ZFYVE28: variants seen among roughly 807,000 people sequenced by gnomAD.
The protein encoded by ZFYVE28 is lateral signaling target protein 2 homolog.
ZFYVE28 carries 40 observed loss-of-function variants against 82.1 expected under a neutral mutation model. The observed-to-expected ratio is 0.49, with a 90% CI of 0.38 to 0.63. The LOEUF (loss-of-function observed/expected upper bound fraction) is 0.63. ZFYVE28 is among the 30% of genes least tolerant of loss of function. The probability of loss-of-function intolerance (pLI) is 0.00; values close to 1 mark genes in which losing one functional copy is unlikely to be tolerated. For missense variants in ZFYVE28, 1,321 were observed against 1,242.1 expected, an observed-to-expected ratio of 1.06 and a Z score of -0.96; for synonymous variants, 612 against 546.1, an observed-to-expected ratio of 1.12 and a Z score of -1.68.
chr4:2,364,488 A>G (rs1726593098), intron 1 of ZFYVE28: 5 of 985,502 alleles, frequency 5.1e-6, no homozygotes, highest in Non-Finnish European at 6.0e-6. Context: ...TACTTTACCC[A>G]GAGGGTGGCT....
intron 1 of ZFYVE28, among the ~76,000 whole-genome samples, chr4:2,357,935 C>A (rs1725578970): frequency 6.6e-6 from 1 of 152,180 alleles, no homozygotes; most frequent in Non-Finnish European, 1.5e-5. Context: ...CCCCTCGCTG[C>A]TTGGTAAGCG....
Position 2,404,309 on chromosome 4 carries a change from C to CAA in ZFYVE28, c.39+13974_39+13975dup, listed in dbSNP as rs55924862. The stretch of plus-strand genomic sequence containing the variant: ...TGCAGGACGGAGCGAGACTCCGCCT[C>CAA]AAAAAAAAAAAAAAAAAAACGCTGA... On this transcript the variant is annotated intron_variant, in intron 1 of 12. Coordinates refer to ENST00000290974, the MANE Select transcript of ZFYVE28 (RefSeq NM_020972.3). 1.2e-4 allele frequency among the ~76,000 whole-genome samples: 8 copies of CAA among 66,522 alleles called. 1 individual carries two copies. The highest frequency in any genetic ancestry group is 3.6e-4 in the African/African-American group (6 of 16,582). The allele number at this position is 66,522 out of a possible 152,430, so 43.6% of individuals were successfully genotyped here.
chr4:2,370,725 C>T (rs748464732), intron 1 of ZFYVE28, among the ~76,000 whole-genome samples: 2 of 152,196 alleles, frequency 1.3e-5, no homozygotes, highest in Non-Finnish European at 2.9e-5. Flanking sequence ...GCTCCCCGGA[C>T]GTGGCAAGGC....
chr4:2,369,823 G>GAA (rs1318676392), intron 1 of ZFYVE28, among the ~76,000 whole-genome samples: 1 of 91,678 alleles, frequency 1.1e-5, no homozygotes, highest in African/African-American at 3.8e-5. Context: ...CCAGAACTTT[G>GAA]AAAGAAGGGA....
chr4:2,304,259 A>C (rs763987790), intron 8 of ZFYVE28, 30 bp downstream of exon 8: 1 of 1,530,342 alleles, frequency 6.5e-7, no homozygotes, highest in Admixed American at 2.1e-5. Context: ...GAGAGGACAA[A>C]CCCAGTCTCT....
At chr4:2,382,785 C>T (rs1262401626) in intron 1 of ZFYVE28, among the ~76,000 whole-genome samples, 1 of 152,102 alleles carries the variant, frequency 6.6e-6, no homozygotes, top group East Asian at 1.9e-4. Context: ...TAAAGACACG[C>T]TGGAGACTGG....
chr4:2,311,257 G>A (rs771437318), intron 7 of ZFYVE28, among the ~76,000 whole-genome samples: 1 of 152,060 alleles, frequency 6.6e-6, no homozygotes, highest in Admixed American at 6.6e-5. Flanking sequence ...CTGGCATGAT[G>A]GCTCACGCTT....
intron 8 of ZFYVE28, among the ~76,000 whole-genome samples, chr4:2,301,282 C>CA (rs1193021103): frequency 6.6e-6 from 1 of 152,208 alleles, no homozygotes; most frequent in Non-Finnish European, 1.5e-5. Flanking sequence ...CCACGGTGCA[C>CA]ACCGCCTGTG....
chr4:2,289,077 G>GT (rs1390026515), intron 8 of ZFYVE28, among the ~76,000 whole-genome samples: 3 of 152,248 alleles, frequency 2.0e-5, no homozygotes, highest in Admixed American at 2.0e-4. Flanking sequence ...GAGGCCAAGA[G>GT]TTCGAGACCA....
intron 8 of ZFYVE28, among the ~76,000 whole-genome samples, chr4:2,290,137 C>T (rs1713387398): frequency 6.6e-6 from 1 of 152,150 alleles, no homozygotes; most frequent in Non-Finnish European, 1.5e-5. Flanking sequence ...AGCCTGTGCC[C>T]CAGGGGACTC....
At chr4:2,378,346 A>G (rs1728380409) in intron 1 of ZFYVE28, among the ~76,000 whole-genome samples, 1 of 152,230 alleles carries the variant, frequency 6.6e-6, no homozygotes, top group Non-Finnish European at 1.5e-5. Flanking sequence ...GTCTCAAAAA[A>G]ATAAAAAAAT....
chr4:2,278,050 G>A (rs1399894581), intron 8 of ZFYVE28, among the ~76,000 whole-genome samples: 4 of 152,062 alleles, frequency 2.6e-5, no homozygotes, highest in Non-Finnish European at 5.9e-5. Flanking sequence ...TCTCAGCAAG[G>A]GTGCCAAGAC....
chr4:2,380,356 G>C (rs941111963), intron 1 of ZFYVE28, among the ~76,000 whole-genome samples: 1 of 152,186 alleles, frequency 6.6e-6, no homozygotes, highest in Admixed American at 6.5e-5. Flanking sequence ...TAGCAGGAGC[G>C]GGGAGAGCAA....
intron 8 of ZFYVE28, among the ~76,000 whole-genome samples, chr4:2,274,532 G>A (rs558681370): frequency 3.9e-5 from 6 of 152,142 alleles, no homozygotes; most frequent in East Asian, 1.9e-4. Context: ...AATATCGACC[G>A]ACTGCCCCTA....
chr4:2,274,256 T>TGATAAGGGGCCGTG (rs748224112), intron 8 of ZFYVE28, 40 bp from the exon 9 acceptor site: 1 of 1,596,326 alleles, frequency 6.3e-7, no homozygotes, highest in African/African-American at 1.3e-5. Flanking sequence ...GGGTGGGGCA[T>TGATAAGGGGCCGTG]GATAAGGGGC....
chr4:2,292,977 G>T (rs557565514), intron 8 of ZFYVE28, among the ~76,000 whole-genome samples: 4 of 152,290 alleles, frequency 2.6e-5, no homozygotes, highest in African/African-American at 9.6e-5. Flanking sequence ...TGCAAGGCTG[G>T]CCGAACATCT....
At chr4:2,415,200 A>G (rs1193728697) in intron 1 of ZFYVE28, among the ~76,000 whole-genome samples, 1 of 152,268 alleles carries the variant, frequency 6.6e-6, no homozygotes, top group African/African-American at 2.4e-5. Context: ...ATTTTTATTC[A>G]GATATCAAAA....
chr4:2,418,181 C>T lies in ZFYVE28; in HGVS notation c.39+104G>A. ...TGTCGGCGGTGGGGGAAGAGGCCGG[C>T]CACGGACAGGGAAAGGGAGTCCGTC... is the stretch of plus-strand genomic sequence containing the variant. On this transcript the variant is annotated intron_variant, in intron 1 of 12. Transcript: ENST00000290974. The surrounding 1 kb of genome is among the most constrained non-coding windows in gnomAD (Gnocchi z 4.6). 2 of 1,119,850 alleles carry T rather than the reference C, an allele frequency of 1.8e-6. No homozygotes were observed. Among genetic ancestry groups the T allele is most frequent in the Middle Eastern group, 2.1e-4 (1 of 4,808 alleles). The allele number at this position is 1,119,850 out of a possible 1,614,324, so 69.4% of individuals were successfully genotyped here. A position where few individuals can be genotyped will look rare whatever the true frequency, so the allele number is the denominator to read the frequency against.
At chr4:2,361,034 A>C (rs193068280) in intron 1 of ZFYVE28, among the ~76,000 whole-genome samples, 3 of 152,342 alleles carry the variant, frequency 2.0e-5, no homozygotes, top group Admixed American at 2.0e-4. Flanking sequence ...TCACTTGTTA[A>C]AATTTTTGAA....
Sources: gnomAD v4.1 joint callset for allele counts (sites outside exome capture counted in the v4.1 genomes callset) on GRCh38, gnomAD v4.1.1 for gene constraint, Gnocchi (gnomAD v3.1) non-coding constraint, MANE v1.5 for transcripts, NCBI Gene and HGNC (gene_info 2026-07-23, HGNC 2026-07-21) for gene names.